Variants in KCNAB1 observed in about 807,000 individuals in gnomAD.
KCNAB1 encodes the protein potassium voltage-gated channel subfamily A regulatory beta subunit 1.
Under a neutral mutation model 64.6 loss-of-function variants are expected in KCNAB1, and 35 were observed. That is an observed-to-expected ratio of 0.54 (90% CI 0.41 to 0.72). The LOEUF is 0.72. KCNAB1 is among the 30% of genes least tolerant of loss of function. The pLI, the probability that KCNAB1 is intolerant of heterozygous loss-of-function variation, is 0.00. For synonymous variants in KCNAB1, 177 were observed against 183.8 expected, an observed-to-expected ratio of 0.96 and a Z score of 0.30; for missense variants, 401 against 512.9, an observed-to-expected ratio of 0.78 and a Z score of 2.11.
chr3:156,533,355 T>A lies in KCNAB1; in HGVS notation c.1170+1858T>A, dbSNP rs572265252. Among the ~76,000 whole-genome samples, 4 of 152,230 alleles carry A rather than the reference T, an allele frequency of 2.6e-5. No individual in the cohort carries two copies. The East Asian group carries it at 7.7e-4, about 29-fold the overall frequency. ...ACAGCATGTGAAGAGTCCAGGAAAG[T>A]GCATTCCAGGGACAGGGAAGAGCAG... On this transcript the variant is annotated intron_variant, in intron 13 of 13. Transcript: ENST00000490337.
At chr3:156,388,039 C>T (rs1045771133) in intron 1 of KCNAB1, among the ~76,000 whole-genome samples, 2 of 152,164 alleles carry the variant, frequency 1.3e-5, no homozygotes, top group African/African-American at 4.8e-5. Flanking sequence ...GTAGAAAAGA[C>T]ATAAATGTCT....
chr3:156,458,265 C>T (rs1297167212), intron 4 of KCNAB1, among the ~76,000 whole-genome samples: 2 of 152,178 alleles, frequency 1.3e-5, no homozygotes, highest in African/African-American at 4.8e-5. Context: ...ATGCGCCAGG[C>T]CAGGCCTCAA....
intron 1 of KCNAB1, among the ~76,000 whole-genome samples, chr3:156,259,307 C>A (rs1045424881): frequency 6.6e-6 from 1 of 152,198 alleles, no homozygotes; most frequent in African/African-American, 2.4e-5. Flanking sequence ...AGATTCCTTT[C>A]AACTCAGAAG....
intron 1 of KCNAB1, among the ~76,000 whole-genome samples, chr3:156,329,589 A>G (rs2108042095): frequency 6.6e-6 from 1 of 152,260 alleles, no homozygotes; most frequent in African/African-American, 2.4e-5. Context: ...GGACACATGG[A>G]GCCATCTGTG....
At chr3:156,442,752 C>G (rs1284388780) in intron 2 of KCNAB1, among the ~76,000 whole-genome samples, 1 of 152,180 alleles carries the variant, frequency 6.6e-6, no homozygotes, top group African/African-American at 2.4e-5. Context: ...CAGCTGCAGA[C>G]AGCCTGCCCT....
chr3:156,525,038 T>A (rs1236106912), intron 12 of KCNAB1, among the ~76,000 whole-genome samples: 1 of 152,110 alleles, frequency 6.6e-6, no homozygotes, highest in African/African-American at 2.4e-5. Context: ...GCACACACAA[T>A]CATGTACAGT....
chr3:156,419,232 G>T lies in KCNAB1; in HGVS notation c.276-2384G>T, dbSNP rs1408748520. Among the ~76,000 whole-genome samples the T allele has an allele frequency of 2.0e-5, 3 of 152,182 alleles. No homozygotes were observed. In the East Asian group the frequency reaches 5.8e-4, roughly 29 times the overall value. ...ACAATCTCTGAACTAGCGGGGCACG[G>T]TGGCTCACGCCTGTAATCCCAGCAC... On this transcript the variant is annotated intron_variant, in intron 1 of 13. Coordinates refer to ENST00000490337, the MANE Select transcript of KCNAB1 (RefSeq NM_172160.3).
chr3:156,277,666 T>C (rs1403538008), intron 1 of KCNAB1, among the ~76,000 whole-genome samples: 1 of 152,198 alleles, frequency 6.6e-6, no homozygotes, highest in East Asian at 1.9e-4. Flanking sequence ...TCAGATTGCT[T>C]CCACATCTTG....
At chr3:156,435,850 C>T (rs975849773) in intron 2 of KCNAB1, among the ~76,000 whole-genome samples, 1 of 151,792 alleles carries the variant, frequency 6.6e-6, no homozygotes, top group Non-Finnish European at 1.5e-5. Flanking sequence ...GGCAGCATTG[C>T]TATCTTGTTG....
chr3:156,141,331 A>G (rs1297073398), intron 1 of KCNAB1, among the ~76,000 whole-genome samples: 1 of 152,194 alleles, frequency 6.6e-6, no homozygotes, highest in Non-Finnish European at 1.5e-5. Context: ...TGTGACCACT[A>G]CCATAATCAA....
intron 8 of KCNAB1, among the ~76,000 whole-genome samples, chr3:156,497,517 G>A (rs1576941888): frequency 1.3e-5 from 2 of 152,172 alleles, no homozygotes; most frequent in South Asian, 2.1e-4. Flanking sequence ...ACAGACAGCT[G>A]TATAAATAAA....
At chr3:156,285,528 G>T (rs1049976849) in intron 1 of KCNAB1, among the ~76,000 whole-genome samples, 2 of 148,116 alleles carry the variant, frequency 1.4e-5, no homozygotes, top group African/African-American at 2.5e-5. Flanking sequence ...GGATGGGGGG[G>T]TCTCACTTTG....
intron 1 of KCNAB1, among the ~76,000 whole-genome samples, chr3:156,171,998 C>T (rs988235875): frequency 6.6e-6 from 1 of 152,192 alleles, no homozygotes; most frequent in African/African-American, 2.4e-5. Context: ...ATCACACACA[C>T]CTTCTAAATG....
chr3:156,389,876 A>G (rs1312258567), intron 1 of KCNAB1, among the ~76,000 whole-genome samples: 1 of 152,248 alleles, frequency 6.6e-6, no homozygotes, highest in Non-Finnish European at 1.5e-5. Context: ...TTATTGGAAT[A>G]TAGCCACACC....
At chr3:156,187,093 A>T (rs7627649) in intron 1 of KCNAB1, among the ~76,000 whole-genome samples, 1 of 152,068 alleles carries the variant, frequency 6.6e-6, no homozygotes. Flanking sequence ...GGCTCAAGCC[A>T]TCCTCCTGCC....
At chr3:156,416,043 A>G (rs1268027149) in intron 1 of KCNAB1, among the ~76,000 whole-genome samples, 1 of 151,332 alleles carries the variant, frequency 6.6e-6, no homozygotes, top group Admixed American at 6.6e-5. Flanking sequence ...CTCCTTTTTC[A>G]CCCTCATATT....
intron 1 of KCNAB1, among the ~76,000 whole-genome samples, chr3:156,284,329 G>C (rs1473340802): frequency 2.6e-5 from 4 of 152,226 alleles, no homozygotes; most frequent in Non-Finnish European, 4.4e-5. Context: ...CCCGTTCTCA[G>C]ATCTCCAGCT....
Position 156,381,826 on chromosome 3 carries a change from A to C in KCNAB1, c.276-39790A>C, listed in dbSNP as rs568962697. Among the ~76,000 whole-genome samples, 5 of 152,174 alleles carry C rather than the reference A, an allele frequency of 3.3e-5. No individual in the cohort carries two copies. The South Asian group carries it at 1.0e-3, about 32-fold the overall frequency. Reference sequence around the variant, plus strand: ...GACCTGGGTAAAACTGGTAATACCTATCCAGTCATTTGACACGTGAAAGGT... The same window carrying C: ...GACCTGGGTAAAACTGGTAATACCTCTCCAGTCATTTGACACGTGAAAGGT... On this transcript the variant is annotated intron_variant, in intron 1 of 13. Transcript: ENST00000490337.
chr3:156,226,936 G>C (rs1716215819), intron 1 of KCNAB1, among the ~76,000 whole-genome samples: 3 of 152,164 alleles, frequency 2.0e-5, no homozygotes, highest in Non-Finnish European at 4.4e-5. Flanking sequence ...GGTGGACTAT[G>C]ACACAGACAT....
Sources: gnomAD v4.1 joint callset for allele counts (sites outside exome capture counted in the v4.1 genomes callset) on GRCh38, gnomAD v4.1.1 for gene constraint, MANE v1.5 for transcripts, NCBI Gene and HGNC (gene_info 2026-07-23, HGNC 2026-07-21) for gene names.